The following GMCL1 variants were observed in gnomAD, a reference collection of about 807,000 sequenced individuals.
The protein encoded by GMCL1 is germ cell-less 1, spermatogenesis associated.
A neutral mutation model predicts 75.5 loss-of-function variants in GMCL1; 54 were observed. That is an observed-to-expected ratio of 0.71 (90% confidence interval 0.57 to 0.90). GMCL1 has a LOEUF of 0.90. Ranked by LOEUF, GMCL1 falls within the 40% of genes least tolerant of loss-of-function variation. GMCL1 has a pLI of 0.00. For synonymous variants in GMCL1, 210 were observed against 209.6 expected (o/e 1.00, Z -0.02); for missense variants, 537 against 622.7 (o/e 0.86, Z 1.47).
chr2:69,869,801 A>G lies in GMCL1; in HGVS notation c.1301A>G (p.Asn434Ser). 3 of 1,614,082 alleles carry G rather than the reference A, an allele frequency of 1.9e-6. No individual in the cohort carries two copies. Among genetic ancestry groups the G allele is most frequent in the Non-Finnish European group, 2.5e-6 (3 of 1,180,002 alleles). ...YTNRYIIFKR[N>S]TLNQPCSGSV... ...AATCGATACATCATTTTCAAACGCA[A>G]TACACTGAATCAGCCATGTAGCGGA... The change falls in exon 12 of 14, where the codon AAT becomes AGT. Residue 434 changes from asparagine to serine, a missense_variant. Asn to Ser is a conservative substitution (Grantham distance 46, BLOSUM62 1). Around this residue, in one of 3 missense-constraint regions of GMCL1, gnomAD observed 345 missense variants for 410.5 expected, o/e 0.84. Transcript: ENST00000282570.
chr2:69,833,682 A>G (rs1227291688), intron 1 of GMCL1, among the ~76,000 whole-genome samples: 1 of 152,220 alleles, frequency 6.6e-6, no homozygotes, highest in Non-Finnish European at 1.5e-5. Flanking sequence ...TGTTGGCCCT[A>G]GTATATACTT....
chr2:69,847,705 G>T, intron 7 of GMCL1, 78 bp downstream of exon 7: 1 of 798,918 alleles, frequency 1.3e-6, no homozygotes, highest in African/African-American at 1.7e-5. Context: ...ACTGGAAACA[G>T]TATCCAGTAA....
chr2:69,874,464 G>T (rs1216922028), intron 13 of GMCL1, among the ~76,000 whole-genome samples: 1 of 152,068 alleles, frequency 6.6e-6, no homozygotes, highest in African/African-American at 2.4e-5. Context: ...AGCCAGGCTG[G>T]TCTTGAACTT....
In GMCL1 at chr2:69,830,157, G is replaced by T; in HGVS notation, c.260+5G>T. ...GCTCCTCAACACCCCTCGAAGGTACGTGGGGGCACGCACCCGCGCGGACCC... is the reference window on the plus strand; with the variant it reads ...GCTCCTCAACACCCCTCGAAGGTACTTGGGGGCACGCACCCGCGCGGACCC... On this transcript the variant is annotated splice_donor_5th_base_variant and intron_variant, in intron 1 of 13. Transcript: ENST00000282570. The T allele has an allele frequency of 6.4e-7, 1 of 1,556,022 alleles. No individual in the cohort carries two copies. The highest frequency in any genetic ancestry group is 1.2e-5 in the South Asian group (1 of 84,508).
intron 13 of GMCL1, 132 bp downstream of exon 13, chr2:69,871,964 G>A (rs1675994893): frequency 1.5e-5 from 9 of 589,238 alleles, no homozygotes; most frequent in South Asian, 6.5e-5. Flanking sequence ...GTCTTTTGAA[G>A]GTAAAGATGA....
chr2:69,831,588 T>C (rs970651854), intron 1 of GMCL1, among the ~76,000 whole-genome samples: 1 of 151,714 alleles, frequency 6.6e-6, no homozygotes, highest in African/African-American at 2.4e-5. Flanking sequence ...CAGTGTAGCA[T>C]AGTTTTTTTT....
chr2:69,831,394 C>G (rs1047690952), intron 1 of GMCL1, among the ~76,000 whole-genome samples: 6 of 151,966 alleles, frequency 3.9e-5, no homozygotes. Flanking sequence ...ACTGTGAATA[C>G]TATTCAGTAA....
chr2:69,869,472 G>T, intron 11 of GMCL1: 1 of 370,754 alleles, frequency 2.7e-6, no homozygotes, highest in Non-Finnish European at 4.8e-6. Flanking sequence ...TTGCAGTATG[G>T]AGAGATAAGG....
rs1401957685 is a variant in GMCL1 at position 69,878,981 on chromosome 2, A to G, written c.1525A>G (p.Ile509Val). ...ATATATCTGCTGTAACTTCTTGTAT[A>G]TATCACCAGAAAAAAAGAATTGAAA... ...PLYICCNFLYISPEKKN is the reference protein window; with the variant it reads ...PLYICCNFLYVSPEKKN Residue 509 changes from isoleucine to valine, a missense_variant, in exon 14 of 14, where the codon ATA becomes GTA. Transcript: ENST00000282570. 1.9e-6 allele frequency: 3 copies of G among 1,597,314 alleles called. No homozygotes were observed. Among genetic ancestry groups the G allele is most frequent in the Non-Finnish European group, 2.6e-6 (3 of 1,167,198 alleles).
intron 6 of GMCL1, chr2:69,844,475 G>T: frequency 5.3e-6 from 1 of 190,296 alleles, no homozygotes; most frequent in Non-Finnish European, 1.1e-5. Context: ...GGCTGTTAGA[G>T]AATTTAAAAG....
chr2:69,832,421 T>G (rs79478340), intron 1 of GMCL1, among the ~76,000 whole-genome samples: 1 of 152,286 alleles, frequency 6.6e-6, no homozygotes, highest in East Asian at 1.9e-4. Context: ...TAACAAAATG[T>G]TCATCCTTCT....
chr2:69,846,189 G>A lies in GMCL1; in HGVS notation c.759-1354G>A, dbSNP rs1010639100. ...TGAGAGACTTTCATCACCTGGTGAT[G>A]TCAAGGCATAAATAAATCACCGTAG... On this transcript the variant is annotated intron_variant, in intron 6 of 13. Coordinates refer to ENST00000282570, the MANE Select transcript of GMCL1 (RefSeq NM_178439.5). Among the ~76,000 whole-genome samples, 12 of 152,066 alleles carry A rather than the reference G, an allele frequency of 7.9e-5. No homozygotes were observed. The South Asian group carries it at 1.9e-3, about 24-fold the overall frequency.
intron 10 of GMCL1, among the ~76,000 whole-genome samples, chr2:69,863,753 A>G (rs992943977): frequency 6.6e-6 from 1 of 152,244 alleles, no homozygotes; most frequent in African/African-American, 2.4e-5. Flanking sequence ...GGGGACTGTC[A>G]GCATTCTATC....
At chr2:69,855,449 C>T (rs1675443843) in intron 9 of GMCL1, among the ~76,000 whole-genome samples, 1 of 151,760 alleles carries the variant, frequency 6.6e-6, no homozygotes, top group Admixed American at 6.6e-5. Context: ...ATCTCTAGTG[C>T]TTGTGAATAA....
chr2:69,845,223 G>A lies in GMCL1; in HGVS notation c.758+1027G>A, dbSNP rs182000633. On this transcript the variant is annotated intron_variant, in intron 6 of 13. Transcript: ENST00000282570. The stretch of plus-strand genomic sequence containing the variant: ...AACTGCGCCGCCTTCGTCCTCAAGC[G>A]GGACCTGGTCAGACGCAGCACAGCG... Among the ~76,000 whole-genome samples the A allele has an allele frequency of 2.6e-3, 392 of 152,354 alleles. 2 individuals carry two copies. The highest frequency in any genetic ancestry group is 9.0e-3 in the African/African-American group (376 of 41,572).
chr2:69,863,837 CT>C (rs368417714), intron 10 of GMCL1, among the ~76,000 whole-genome samples: 7 of 152,250 alleles, frequency 4.6e-5, no homozygotes, highest in African/African-American at 1.7e-4. Context: ...TGTTCATATG[CT>C]GCAGCTGCAT....
At chr2:69,857,010 T>A (rs1675490305) in intron 9 of GMCL1, among the ~76,000 whole-genome samples, 1 of 152,196 alleles carries the variant, frequency 6.6e-6, no homozygotes, top group African/African-American at 2.4e-5. Flanking sequence ...AGGCACTTTC[T>A]TCCTAAAACC....
At chr2:69,849,201 C>T (rs1048626650) in intron 7 of GMCL1, among the ~76,000 whole-genome samples, 6 of 152,084 alleles carry the variant, frequency 3.9e-5, no homozygotes, top group Middle Eastern at 3.4e-3. Context: ...GACAAGGTCT[C>T]GCTCTGTCAC....
At chr2:69,859,187 A>C (rs1314667149) in intron 9 of GMCL1, among the ~76,000 whole-genome samples, 1 of 151,452 alleles carries the variant, frequency 6.6e-6, no homozygotes, top group African/African-American at 2.4e-5. Flanking sequence ...TACATCTAAC[A>C]TGATATTTGA....
Sources: allele counts gnomAD v4.1 joint callset (sites outside exome capture counted in the v4.1 genomes callset), GRCh38; gene constraint gnomAD v4.1.1; regional missense constraint gnomAD v4.1.1; transcripts MANE v1.5; gene names NCBI Gene and HGNC (gene_info 2026-07-23, HGNC 2026-07-21).